TBC1D22A: variants seen among roughly 807,000 people sequenced by gnomAD.
TBC1D22A encodes the protein TBC1 domain family member 22A, also known as putative GTPase activator.
In TBC1D22A, 38 loss-of-function variants were observed where a neutral mutation model predicts 60.2. The ratio of observed to expected loss-of-function variants is 0.63; its 90% CI spans 0.49 to 0.83. The LOEUF (loss-of-function observed/expected upper bound fraction) is 0.83, where lower values mean the gene tolerates loss of function less well. TBC1D22A is among the 40% of genes least tolerant of loss of function. The probability of loss-of-function intolerance (pLI) is 0.00; values close to 1 mark genes in which losing one functional copy is unlikely to be tolerated. For missense variants in TBC1D22A, 628 were observed against 701.0 expected (o/e 0.90, Z 1.18); for synonymous variants, 302 against 281.7 (o/e 1.07, Z -0.72).
chr22:46,781,359 A>G (rs1474798069), intron 1 of TBC1D22A, among the ~76,000 whole-genome samples: 1 of 152,082 alleles, frequency 6.6e-6, no homozygotes, highest in Admixed American at 6.6e-5. Flanking sequence ...TATTTTTTAT[A>G]GAGACGGGGT....
At chr22:47,160,513 G>T (rs77971254) in intron 12 of TBC1D22A, among the ~76,000 whole-genome samples, 7,537 of 152,296 alleles carry the variant, frequency 0.049, 606 homozygotes, top group African/African-American at 0.17. Flanking sequence ...TGCAGGCCAC[G>T]TGGACACCTG....
chr22:47,162,736 G>A (rs1309417079), intron 12 of TBC1D22A, among the ~76,000 whole-genome samples: 7 of 131,220 alleles, frequency 5.3e-5, no homozygotes, highest in Non-Finnish European at 1.1e-4. Context: ...ATGGGACTGC[G>A]GACCCGGTGC....
intron 3 of TBC1D22A, among the ~76,000 whole-genome samples, chr22:46,797,084 C>T (rs746554808): frequency 2.6e-5 from 4 of 152,168 alleles, no homozygotes; most frequent in Non-Finnish European, 1.5e-5. Context: ...GACCCGAGGG[C>T]ACCGTCCTAC....
rs151208132 is a variant in TBC1D22A, at chr22:46,782,352, C to T, written c.63-10168C>T. ...ACAGGCCTGAGCCACCGTGCCCAGCCGGACTTGGACTTATTTAAAGGTTGA... is the reference window on the plus strand; with the variant it reads ...ACAGGCCTGAGCCACCGTGCCCAGCTGGACTTGGACTTATTTAAAGGTTGA... On this transcript the variant is annotated intron_variant, in intron 1 of 12. Coordinates refer to ENST00000337137, the MANE Select transcript of TBC1D22A (RefSeq NM_014346.5). Among the ~76,000 whole-genome samples the T allele has an allele frequency of 1.3e-3, 202 of 152,320 alleles. 1 individual carries two copies. The highest frequency in any genetic ancestry group is 3.8e-3 in the African/African-American group (160 of 41,574).
rs2068626335 is a variant in TBC1D22A at position 47,174,809 on chromosome 22, C to CT, written c.*1184dup. 1 of 146,818 alleles carries CT rather than the reference C, an allele frequency of 6.8e-6. No homozygotes were observed. The highest frequency in any genetic ancestry group is 2.4e-5 in the African/African-American group (1 of 40,998). The allele number at this position is 146,818 out of a possible 1,614,324, so 9.1% of individuals were successfully genotyped here. On this transcript the variant is annotated 3_prime_UTR_variant, in exon 13 of 13. Coordinates refer to ENST00000337137, the MANE Select transcript of TBC1D22A (RefSeq NM_014346.5). ...CGCTGTGGACTGGTTCCTTGGGGCT[C>CT]TAAGTGCGGAAGGGCCCAGAGCTGG...
intron 12 of TBC1D22A, chr22:47,116,921 T>A (rs1203410440): frequency 6.6e-6 from 1 of 152,376 alleles, no homozygotes; most frequent in Admixed American, 6.5e-5. Context: ...CCAGGCCCTG[T>A]GCTGTCAGGT....
At chr22:46,894,905 C>G in intron 7 of TBC1D22A, 59 bp downstream of exon 7, 1 of 1,580,610 alleles carries the variant, frequency 6.3e-7, no homozygotes, top group African/African-American at 1.3e-5. Context: ...GCCCACTGTG[C>G]TAACCAGACA....
At chr22:46,879,209 A>AGG (rs767847333) in intron 5 of TBC1D22A, among the ~76,000 whole-genome samples, 198 of 150,340 alleles carry the variant, frequency 1.3e-3, no homozygotes, top group Non-Finnish European at 1.8e-3. Context: ...TGGGTGAGAG[A>AGG]AGTGGTTTGT....
At chr22:47,172,132 A>G (rs1400891877) in intron 12 of TBC1D22A, among the ~76,000 whole-genome samples, 1 of 141,740 alleles carries the variant, frequency 7.1e-6, no homozygotes, top group Non-Finnish European at 1.6e-5. Flanking sequence ...CAGTGAGCCC[A>G]GTGAGTCCGG....
intron 12 of TBC1D22A, among the ~76,000 whole-genome samples, chr22:47,119,812 A>G (rs2066208000): frequency 6.6e-6 from 1 of 152,162 alleles, no homozygotes; most frequent in Non-Finnish European, 1.5e-5. Flanking sequence ...GGTAATTTAT[A>G]AACAATGGAA....
At chr22:46,775,562 G>A (rs780114824) in intron 1 of TBC1D22A, among the ~76,000 whole-genome samples, 2 of 152,142 alleles carry the variant, frequency 1.3e-5, no homozygotes, top group Non-Finnish European at 2.9e-5. Context: ...ATTCCTGTGC[G>A]GCCACAGCTG....
chr22:46,894,401 C>T (rs2084200613), intron 6 of TBC1D22A, among the ~76,000 whole-genome samples: 1 of 152,214 alleles, frequency 6.6e-6, no homozygotes, highest in South Asian at 2.1e-4. Flanking sequence ...AAGAAGCTGT[C>T]ACAGCTGAAA....
intron 11 of TBC1D22A, among the ~76,000 whole-genome samples, chr22:47,069,447 G>A (rs568081707): frequency 1.3e-5 from 2 of 152,368 alleles, no homozygotes; most frequent in South Asian, 4.1e-4. Context: ...GTGTCCTCTC[G>A]GTGAGGCCTC....
chr22:47,088,029 C>G (rs13054725), intron 11 of TBC1D22A, among the ~76,000 whole-genome samples: 2 of 151,856 alleles, frequency 1.3e-5, no homozygotes, highest in Admixed American at 1.3e-4. Context: ...GCCAAGATTG[C>G]GCCACTGCAC....
intron 11 of TBC1D22A, among the ~76,000 whole-genome samples, chr22:47,039,716 A>AAAAG (rs2062774178): frequency 6.6e-6 from 1 of 150,530 alleles, no homozygotes; most frequent in Non-Finnish European, 1.5e-5. Flanking sequence ...AAAAAAAAAA[A>AAAAG]AAAAAAAAAA....
chr22:47,149,474 C>A (rs747498293), intron 12 of TBC1D22A, among the ~76,000 whole-genome samples: 1 of 152,278 alleles, frequency 6.6e-6, no homozygotes, highest in Admixed American at 6.5e-5. Context: ...GTGCCACCCC[C>A]ACGGCCACAG....
At chr22:46,776,238 G>A (rs1055016238) in intron 1 of TBC1D22A, among the ~76,000 whole-genome samples, 2 of 152,222 alleles carry the variant, frequency 1.3e-5, no homozygotes, top group African/African-American at 2.4e-5. Context: ...GGCACAGGGT[G>A]GCTTGAACAC....
In TBC1D22A at chr22:46,990,549, T is replaced by A. The variant is rs1383989197; in HGVS notation, c.1126-7085T>A. Among the ~76,000 whole-genome samples, 5 of 152,170 alleles carry A rather than the reference T, an allele frequency of 3.3e-5. No homozygotes were observed. The East Asian group carries it at 9.6e-4, about 29-fold the overall frequency. On this transcript the variant is annotated intron_variant, in intron 9 of 12. Transcript: ENST00000337137. The surrounding 1 kb of genome is among the most constrained non-coding windows in gnomAD (Gnocchi z 4.6). ...ACTAAAGTCCACAGTTTACACCAGT[T>A]GTAGGCCGTGGGTTTTGAAAGGTGT...
At chr22:46,839,062 G>T (rs1472009776) in intron 4 of TBC1D22A, among the ~76,000 whole-genome samples, 1 of 152,164 alleles carries the variant, frequency 6.6e-6, no homozygotes, top group Non-Finnish European at 1.5e-5. Context: ...AAATAAAATT[G>T]TGTGCAGTTC....
Sources: allele counts gnomAD v4.1 joint callset (sites outside exome capture counted in the v4.1 genomes callset), GRCh38; gene constraint gnomAD v4.1.1; non-coding constraint Gnocchi (gnomAD v3.1); transcripts MANE v1.5; gene names NCBI Gene and HGNC (gene_info 2026-07-23, HGNC 2026-07-21).